The following CETN3 variants were observed in gnomAD, a reference collection of about 807,000 sequenced individuals.
CETN3 encodes the protein centrin-3.
CETN3 carries 17 observed loss-of-function variants against 20.1 expected under a neutral mutation model. The observed-to-expected ratio is 0.85, with a 90% CI of 0.58 to 1.27. The LOEUF is 1.27. Ranked by LOEUF, CETN3 falls within the 50% of genes most tolerant of loss-of-function variation. CETN3 has a pLI of 0.00. For missense variants in CETN3, 169 were observed against 191.2 expected, an observed-to-expected ratio of 0.88 and a Z score of 0.69; for synonymous variants, 52 against 59.7, an observed-to-expected ratio of 0.87 and a Z score of 0.59.
chr5:90,404,592 A>T (rs947661504), intron 3 of CETN3, among the ~76,000 whole-genome samples: 1 of 152,262 alleles, frequency 6.6e-6, no homozygotes, highest in South Asian at 2.1e-4. Context: ...TAAGTTGAGG[A>T]TCTTCTGTGC....
In CETN3 at chr5:90,404,966, G is replaced by A. The variant is rs565276894; in HGVS notation, c.268+719C>T. ...TATAATAGCAACATCCTTGCCTTCC[G>A]GACTCTTCTATTTTGAAAAAGCCTG... On this transcript the variant is annotated intron_variant, in intron 3 of 4. Transcript: ENST00000283122. 2.0e-5 allele frequency among the ~76,000 whole-genome samples: 3 copies of A among 151,822 alleles called. No individual in the cohort carries two copies. The East Asian group carries it at 5.8e-4, about 29-fold the overall frequency.
rs1749075932 is a variant in CETN3, at chr5:90,393,921, AG to A, written c.*142del. The A allele has an allele frequency of 1.6e-6, 1 of 607,400 alleles. No individual in the cohort carries two copies. The highest frequency in any genetic ancestry group is 2.9e-6 in the Non-Finnish European group (1 of 344,636). The allele number at this position is 607,400 out of a possible 1,614,324, so 37.6% of individuals were successfully genotyped here. A position where few individuals can be genotyped will look rare whatever the true frequency, so the allele number is the denominator to read the frequency against. ...AGTTCATACAAAGAAACTTAACAGT[AG>A]TAAAATACAGATATATAAGATGCTT... On this transcript the variant is annotated 3_prime_UTR_variant, in exon 5 of 5. Coordinates refer to ENST00000283122, the MANE Select transcript of CETN3 (RefSeq NM_004365.4).
chr5:90,409,532 C>T, intron 1 of CETN3, 113 bp downstream of exon 1: 1 of 1,318,002 alleles, frequency 7.6e-7, no homozygotes, highest in African/African-American at 1.4e-5. Context: ...TTTCCCGCGT[C>T]CCAAACTACA....
At chr5:90,408,165 C>A (rs997972278) in intron 1 of CETN3, among the ~76,000 whole-genome samples, 1 of 151,940 alleles carries the variant, frequency 6.6e-6, no homozygotes, top group Admixed American at 6.5e-5. Context: ...AAACTCCAAC[C>A]AACTCCAACC....
At chr5:90,408,219 T>A (rs78870182) in intron 1 of CETN3, among the ~76,000 whole-genome samples, 8,981 of 151,944 alleles carry the variant, frequency 0.059, 909 homozygotes, top group African/African-American at 0.21. Context: ...TTAAAGAATT[T>A]AAAAAAAATC....
chr5:90,395,431 TTTTTG>T (rs1395381271), intron 4 of CETN3, among the ~76,000 whole-genome samples: 2 of 152,170 alleles, frequency 1.3e-5, no homozygotes, highest in African/African-American at 4.8e-5. Context: ...AAGGATCAAG[TTTTTG>T]TTTTATTATT....
intron 3 of CETN3, among the ~76,000 whole-genome samples, chr5:90,401,286 TATA>T (rs1335381614): frequency 1.3e-5 from 2 of 152,206 alleles, no homozygotes; most frequent in Non-Finnish European, 2.9e-5. Flanking sequence ...TATATAACTT[TATA>T]ATGACTCTCC....
At chr5:90,406,034 A>C (rs1210069920) in intron 2 of CETN3, among the ~76,000 whole-genome samples, 2 of 152,158 alleles carry the variant, frequency 1.3e-5, no homozygotes, top group Non-Finnish European at 2.9e-5. Context: ...GTAACCAACA[A>C]GTGTTTACAG....
intron 4 of CETN3, among the ~76,000 whole-genome samples, chr5:90,397,426 A>G (rs1381420636): frequency 6.6e-6 from 1 of 152,132 alleles, no homozygotes; most frequent in Non-Finnish European, 1.5e-5. Context: ...TTCCTTTTAT[A>G]CTGCCTTCTT....
At chr5:90,399,849 G>A (rs1486491153) in intron 3 of CETN3, among the ~76,000 whole-genome samples, 1 of 152,132 alleles carries the variant, frequency 6.6e-6, no homozygotes, top group East Asian at 1.9e-4. Flanking sequence ...ATTTATTTAA[G>A]ATCTACTATT....
intron 3 of CETN3, among the ~76,000 whole-genome samples, chr5:90,404,719 T>C (rs1464249992): frequency 6.6e-6 from 1 of 152,216 alleles, no homozygotes; most frequent in African/African-American, 2.4e-5. Flanking sequence ...CTGCGTCTAC[T>C]AATTGCCATT....
chr5:90,395,055 T>C (rs1749106350), intron 4 of CETN3, among the ~76,000 whole-genome samples: 1 of 152,210 alleles, frequency 6.6e-6, no homozygotes, highest in Non-Finnish European at 1.5e-5. Flanking sequence ...ACTTAAGACC[T>C]GGTCTCTAGT....
intron 3 of CETN3, among the ~76,000 whole-genome samples, chr5:90,402,830 T>C (rs1580163048): frequency 6.6e-6 from 1 of 152,238 alleles, no homozygotes; most frequent in East Asian, 1.9e-4. Flanking sequence ...TTGTCACCTA[T>C]ATTTACATTG....
intron 3 of CETN3, among the ~76,000 whole-genome samples, chr5:90,402,052 T>C (rs1749304951): frequency 6.6e-6 from 1 of 152,056 alleles, no homozygotes; most frequent in Non-Finnish European, 1.5e-5. Flanking sequence ...GGATCTCACT[T>C]TGTTGCCCCA....
In CETN3 at chr5:90,405,772, C is replaced by T. The variant is rs771892299; in HGVS notation, c.181G>A (p.Val61Ile). ...KVAMRALGFD[V>I]KKADVLKILK... Reference sequence around the variant, plus strand: ...ATCTTCAGTACATCAGCTTTTTTTACATCAAACCCCAAGGCTCTCATTGCC... The same window carrying T: ...ATCTTCAGTACATCAGCTTTTTTTATATCAAACCCCAAGGCTCTCATTGCC... Residue 61 changes from valine (V) to isoleucine (I), a missense_variant, in exon 3 of 5, where the codon GTA becomes ATA. Transcript: ENST00000283122. 1.2e-6 allele frequency: 2 copies of T among 1,611,404 alleles called. No homozygotes were observed. The highest frequency in any genetic ancestry group is 1.7e-5 in the Admixed American group (1 of 59,746).
At chr5:90,404,872 A>G (rs946230802) in intron 3 of CETN3, among the ~76,000 whole-genome samples, 8 of 151,952 alleles carry the variant, frequency 5.3e-5, no homozygotes, top group African/African-American at 1.9e-4. Flanking sequence ...TTTAGAGAAA[A>G]AAAAAAAAAG....
intron 3 of CETN3, among the ~76,000 whole-genome samples, chr5:90,403,849 C>T (rs1235912267): frequency 6.2e-5 from 7 of 112,122 alleles, no homozygotes; most frequent in Admixed American, 2.5e-4. Flanking sequence ...CCAGCCTGGG[C>T]GACAGAGCGA....
intron 4 of CETN3, among the ~76,000 whole-genome samples, chr5:90,394,801 TA>T (rs1385410355): frequency 1.3e-5 from 2 of 152,142 alleles, no homozygotes; most frequent in East Asian, 3.9e-4. Context: ...ATTATAAATA[TA>T]GTAAGAATCT....
chr5:90,396,541 GAAGC>G, intron 4 of CETN3: 1 of 1,533,438 alleles, frequency 6.5e-7, no homozygotes, highest in South Asian at 1.2e-5. Context: ...GACCAAATAG[GAAGC>G]AAGAGTATGT....
Sources: gnomAD v4.1 joint callset for allele counts (sites outside exome capture counted in the v4.1 genomes callset) on GRCh38, gnomAD v4.1.1 for gene constraint, MANE v1.5 for transcripts, NCBI Gene and HGNC (gene_info 2026-07-23, HGNC 2026-07-21) for gene names.